The following MMP26 variants were observed in gnomAD, a reference collection of about 807,000 sequenced individuals.
The protein encoded by MMP26 is matrix metalloproteinase-26.
MMP26 carries 33 observed loss-of-function variants against 31.0 expected under a neutral mutation model. The ratio of observed to expected loss-of-function variants is 1.06; its 90% CI spans 0.81 to 1.42. MMP26 has a LOEUF of 1.42. MMP26 is among the 40% of genes most tolerant of loss of function. The probability of loss-of-function intolerance (pLI) is 0.00; values close to 1 mark genes in which losing one functional copy is unlikely to be tolerated. For missense variants in MMP26, 347 were observed against 316.1 expected, an observed-to-expected ratio of 1.10 and a Z score of -0.74; for synonymous variants, 122 against 114.9, an observed-to-expected ratio of 1.06 and a Z score of -0.40.
chr11:4,924,736 C>T (rs1009060936), intron 2 of MMP26, among the ~76,000 whole-genome samples: 1 of 152,134 alleles, frequency 6.6e-6, no homozygotes, highest in African/African-American at 2.4e-5. Flanking sequence ...AAGAGATTTA[C>T]ACTAGGTTTG....
intron 2 of MMP26, chr11:4,876,160 G>A (rs1425613974): frequency 1.3e-5 from 2 of 152,106 alleles, no homozygotes; most frequent in East Asian, 3.9e-4. Context: ...TAGGACTGTG[G>A]TTATATTCTT....
chr11:4,961,462 ATTTTAC>A (rs1846520003), intron 2 of MMP26, among the ~76,000 whole-genome samples: 1 of 152,106 alleles, frequency 6.6e-6, no homozygotes, highest in Admixed American at 6.5e-5. Context: ...CCAAAATAAT[ATTTTAC>A]CAGGTTTCTA....
chr11:4,779,570 T>G (rs1017394), intron 2 of MMP26, among the ~76,000 whole-genome samples: 22,837 of 152,046 alleles, frequency 0.15, 2,178 homozygotes, highest in African/African-American at 0.27. Context: ...TTGTTCTATT[T>G]TTCCCTTACA....
In MMP26 at chr11:4,989,704, G is replaced by T. The variant is rs777882358; in HGVS notation, c.156G>T (p.Glu52Asp). 6.2e-7 allele frequency: 1 copy of T among 1,613,792 alleles called. No individual in the cohort carries two copies. Among genetic ancestry groups the T allele is most frequent in the African/African-American group, 1.3e-5 (1 of 75,004 alleles). The change falls in exon 4 of 8, where the codon GAG (glutamate) becomes GAT (aspartate). Residue 52 changes from glutamate (E) to aspartate (D), a missense_variant. By Grantham distance (45) the Glu-to-Asp change is conservative (BLOSUM62 2). Transcript: ENST00000380390. ...TKKESPLLTQ[E>D]TQTQLLQQFH... is the part of the protein sequence containing the mutation. ...AGGAGTCGCCACTCCTTACCCAGGA[G>T]ACACAAACACAGCTCCTGCAACAAT... is the stretch of plus-strand genomic sequence containing the variant.
chr11:4,786,227 TG>T (rs1282913522), intron 2 of MMP26, among the ~76,000 whole-genome samples: 1 of 152,070 alleles, frequency 6.6e-6, no homozygotes, highest in Non-Finnish European at 1.5e-5. Context: ...GGAAAGCAGA[TG>T]GGGAGTTTTC....
chr11:4,957,238 C>T (rs1359348081), intron 2 of MMP26, among the ~76,000 whole-genome samples: 1 of 152,184 alleles, frequency 6.6e-6, no homozygotes, highest in African/African-American at 2.4e-5. Flanking sequence ...CTGTTTCATA[C>T]TGGCATAAAA....
Position 4,825,312 on chromosome 11 carries a change from T to G in MMP26, c.-145+57971T>G, listed in dbSNP as rs74405508. 7.2e-3 allele frequency among the ~76,000 whole-genome samples: 1,098 copies of G among 152,286 alleles called. 21 individuals carry two copies. Among genetic ancestry groups the G allele is most frequent in the African/African-American group, 0.025 (1,041 of 41,560 alleles). On this transcript the variant is annotated intron_variant, in intron 2 of 7. Coordinates refer to ENST00000380390, the MANE Select transcript of MMP26 (RefSeq NM_021801.5). ...TTCCCATTACTGTATTTCTAGTCTT[T>G]TTCAAGGTTTTTGACTTTATCACAG... is the stretch of plus-strand genomic sequence containing the variant.
chr11:4,744,285 T>TA (rs1031917404), intron 1 of MMP26, among the ~76,000 whole-genome samples: 4 of 152,238 alleles, frequency 2.6e-5, no homozygotes, highest in African/African-American at 9.6e-5. Context: ...TCTAGTTTTT[T>TA]AAAAAATTTA....
In MMP26 at chr11:4,951,744, T is replaced by C. The variant is rs550916809; in HGVS notation, c.-144-36324T>C. Among the ~76,000 whole-genome samples the C allele has an allele frequency of 4.8e-5, 6 of 124,118 alleles. 1 individual carries two copies. In the South Asian group the frequency reaches 1.2e-3, roughly 25 times the overall value. 81.4% of individuals were successfully genotyped at this position (124,118 alleles called of 152,430 possible). A position where few individuals can be genotyped will look rare whatever the true frequency, so the allele number is the denominator to read the frequency against. ...TAAGTTTTTATCCTTGGTATACTGA[T>C]TACTTCTGCTTAGAATATTAAGGAA... On this transcript the variant is annotated intron_variant, in intron 2 of 7. Transcript: ENST00000380390.
At chr11:4,857,761 A>C (rs1426505957) in intron 2 of MMP26, among the ~76,000 whole-genome samples, 1 of 152,200 alleles carries the variant, frequency 6.6e-6, no homozygotes, top group African/African-American at 2.4e-5. Context: ...GGCCAGGCAG[A>C]GACACAACAA....
chr11:4,821,838 CA>C lies in MMP26; in HGVS notation c.-145+54499del, dbSNP rs778148456. 5.6e-6 allele frequency: 9 copies of C among 1,613,278 alleles called. No homozygotes were observed. In the South Asian group the frequency reaches 9.9e-5, roughly 18 times the overall value. On this transcript the variant is annotated intron_variant, in intron 2 of 7. Coordinates refer to ENST00000380390, the MANE Select transcript of MMP26 (RefSeq NM_021801.5). Reference sequence around the variant, plus strand: ...CACTGAGATACACTACCATCCTTACCAATGCCCGAATTGCCAAGATTGGGAT... The same window carrying C: ...CACTGAGATACACTACCATCCTTACCATGCCCGAATTGCCAAGATTGGGAT...
chr11:4,872,698 G>T (rs755473532), intron 2 of MMP26, among the ~76,000 whole-genome samples: 3 of 151,906 alleles, frequency 2.0e-5, no homozygotes, highest in Non-Finnish European at 2.9e-5. Flanking sequence ...TCCATCTTCT[G>T]CCTGGGTGGA....
chr11:4,886,048 T>C (rs145670306), intron 2 of MMP26, among the ~76,000 whole-genome samples: 27 of 152,248 alleles, frequency 1.8e-4, no homozygotes, highest in African/African-American at 5.8e-4. Context: ...CTGTGTTGCA[T>C]TGGTAAATAA....
intron 2 of MMP26, among the ~76,000 whole-genome samples, chr11:4,904,838 T>A (rs17252092): frequency 0.084 from 12,846 of 152,224 alleles, 673 homozygotes; most frequent in Non-Finnish European, 0.12. Context: ...ACATATTTGC[T>A]GAGAGCCTTT....
Position 4,723,441 on chromosome 11 carries a change from C to CGAA in MMP26, c.-217+18396_-217+18397insGAA. The CGAA allele has an allele frequency of 2.9e-6, 3 of 1,033,344 alleles. 1 individual carries two copies. Among genetic ancestry groups the CGAA allele is most frequent in the East Asian group, 2.4e-5 (1 of 42,162 alleles). 64.0% of individuals were successfully genotyped at this position (1,033,344 alleles called of 1,614,324 possible). On this transcript the variant is annotated intron_variant, in intron 1 of 7. Transcript: ENST00000380390. Reference sequence around the variant, plus strand: ...CCATGTCCAGGGAGCGGCTGCTGTCCATGGACAGCACCACAGATGTGTCCG... The same window carrying CGAA: ...CCATGTCCAGGGAGCGGCTGCTGTCCGAAATGGACAGCACCACAGATGTGTCCG...
intron 1 of MMP26, chr11:4,752,288 G>A (rs1848455780): frequency 6.6e-6 from 1 of 152,240 alleles, no homozygotes; most frequent in African/African-American, 2.4e-5. Context: ...TCTCCTCTGG[G>A]GATGCAATGC....
intron 2 of MMP26, chr11:4,878,232 G>C (rs1850410455): frequency 6.6e-6 from 1 of 152,056 alleles, no homozygotes; most frequent in Non-Finnish European, 1.5e-5. Context: ...TTTTATTGTT[G>C]AGTAGTTTTC....
chr11:4,875,429 C>T (rs1414190823), intron 2 of MMP26: 1 of 151,950 alleles, frequency 6.6e-6, no homozygotes, highest in African/African-American at 2.4e-5. Context: ...ATCAGAAGTC[C>T]AAATTGGGTC....
At position 4,910,308 on chromosome 11, in the gene MMP26, G is replaced by C. The variant is rs547324627; in HGVS notation, c.-144-77760G>C. Among the ~76,000 whole-genome samples, 119 of 152,072 alleles carry C rather than the reference G, an allele frequency of 7.8e-4. No homozygotes were observed. In the Middle Eastern group the frequency reaches 0.024, roughly 30 times the overall value. The stretch of plus-strand genomic sequence containing the variant: ...GCCAGTAAGGAGTCTCTACTTCTAA[G>C]GATTCATATAATTAGACTGGGTTCC... On this transcript the variant is annotated intron_variant, in intron 2 of 7. Coordinates refer to ENST00000380390, the MANE Select transcript of MMP26 (RefSeq NM_021801.5).
Sources: allele counts gnomAD v4.1 joint callset (sites outside exome capture counted in the v4.1 genomes callset), GRCh38; gene constraint gnomAD v4.1.1; transcripts MANE v1.5; gene names NCBI Gene and HGNC (gene_info 2026-07-23, HGNC 2026-07-21).